The following RTN1 variants were observed in gnomAD, a reference collection of about 807,000 sequenced individuals.
The protein encoded by RTN1 is reticulon 1.
In RTN1, 25 loss-of-function variants were observed where a neutral mutation model predicts 65.5. The ratio of observed to expected loss-of-function variants is 0.38; its 90% CI spans 0.28 to 0.53. The LOEUF (loss-of-function observed/expected upper bound fraction) is 0.53, where lower values mean the gene tolerates loss of function less well. Among genes scored for constraint, RTN1 ranks in the 20% least tolerant of loss-of-function variants. The probability of loss-of-function intolerance (pLI) is 0.79; values close to 1 mark genes in which losing one functional copy is unlikely to be tolerated. For synonymous variants in RTN1, 471 were observed against 447.6 expected (o/e 1.05, Z -0.66); for missense variants, 983 against 1,025.4 (o/e 0.96, Z 0.57).
At position 59,844,284 on chromosome 14, in the gene RTN1, G is replaced by A. The variant is rs117415107; in HGVS notation, c.241+26106C>T. Among the ~76,000 whole-genome samples the A allele has an allele frequency of 3.0e-3, 460 of 152,308 alleles. 11 individuals carry two copies. In the East Asian group the frequency reaches 0.051, roughly 17 times the overall value. ...TAAAGAGGTGATTGCCCTTATGAACGAATGAATGTCCTTATCACAGGTGTG... is the reference window on the plus strand; with the variant it reads ...TAAAGAGGTGATTGCCCTTATGAACAAATGAATGTCCTTATCACAGGTGTG... On this transcript the variant is annotated intron_variant, in intron 1 of 8. Transcript: ENST00000267484.
At position 59,868,601 on chromosome 14, in the gene RTN1, C is replaced by T. The variant is rs1405195423; in HGVS notation, c.241+1789G>A. 6.6e-6 allele frequency among the ~76,000 whole-genome samples: 1 copy of T among 152,170 alleles called. No individual in the cohort carries two copies. The highest frequency in any genetic ancestry group is 1.5e-5 in the Non-Finnish European group (1 of 68,018). On this transcript the variant is annotated intron_variant, in intron 1 of 8. Transcript: ENST00000267484. The surrounding 1 kb of genome is among the most constrained non-coding windows in gnomAD (Gnocchi z 4.0). ...TGAGATGATGGATTTGTTAGCTAAT[C>T]ATTTGACAATGCAGACATATGTCAA... is the stretch of plus-strand genomic sequence containing the variant.
At chr14:59,833,121 C>T (rs1182069289) in intron 1 of RTN1, among the ~76,000 whole-genome samples, 1 of 152,172 alleles carries the variant, frequency 6.6e-6, no homozygotes. Flanking sequence ...AATGATTACA[C>T]ATCAGGAAGC....
chr14:59,663,909 C>T lies in RTN1; in HGVS notation c.1766-56417G>A, dbSNP rs140794577. ...TCAGCCATTGTGGAAGATAGTGTGGCGATTCCTCAAGGATCTAGAACCAGA... is the reference window on the plus strand; with the variant it reads ...TCAGCCATTGTGGAAGATAGTGTGGTGATTCCTCAAGGATCTAGAACCAGA... On this transcript the variant is annotated intron_variant, in intron 3 of 8. Transcript: ENST00000267484. Among the ~76,000 whole-genome samples, 463 of 152,140 alleles carry T rather than the reference C, an allele frequency of 3.0e-3. 1 individual carries two copies. Among genetic ancestry groups the T allele is most frequent in the African/African-American group, 0.011 (441 of 41,506 alleles).
rs141747824 is a variant in RTN1, at chr14:59,666,843, G to T, written c.1766-59351C>A. 3.4e-3 allele frequency among the ~76,000 whole-genome samples: 512 copies of T among 150,574 alleles called. 2 individuals are homozygous for T. Among genetic ancestry groups the T allele is most frequent in the African/African-American group, 0.012 (481 of 41,030 alleles). ...CACAAATAAACTAGAAAATCTAGAA[G>T]AAATGGATAAATTCCTGCACACATA... On this transcript the variant is annotated intron_variant, in intron 3 of 8. Transcript: ENST00000267484.
At chr14:59,605,600 C>T (rs1404500789) in intron 4 of RTN1, 94 bp from the exon 5 acceptor site, 34 of 1,364,950 alleles carry the variant, frequency 2.5e-5, no homozygotes, top group Non-Finnish European at 3.2e-5. Flanking sequence ...CCTACTCTCA[C>T]TCTGAGGGTG....
intron 1 of RTN1, among the ~76,000 whole-genome samples, chr14:59,795,485 G>C (rs1886422960): frequency 6.6e-6 from 1 of 152,116 alleles, no homozygotes; most frequent in Non-Finnish European, 1.5e-5. Flanking sequence ...AGGATCACTT[G>C]AGCCCAGGAG....
intron 2 of RTN1, among the ~76,000 whole-genome samples, chr14:59,740,248 G>A (rs987175997): frequency 2.6e-5 from 4 of 152,188 alleles, no homozygotes; most frequent in Non-Finnish European, 4.4e-5. Context: ...TCATATGAGA[G>A]CCAGCTCAAA....
At chr14:59,642,622 T>C (rs1370215754) in intron 3 of RTN1, among the ~76,000 whole-genome samples, 1 of 152,214 alleles carries the variant, frequency 6.6e-6, no homozygotes, top group Non-Finnish European at 1.5e-5. Context: ...TAAGTCATAA[T>C]TTCAGAAATT....
chr14:59,791,657 A>G (rs1886350769), intron 1 of RTN1, among the ~76,000 whole-genome samples: 1 of 152,140 alleles, frequency 6.6e-6, no homozygotes, highest in Admixed American at 6.5e-5. Flanking sequence ...CCTACTAGGG[A>G]CTAACAACTG....
chr14:59,737,035 A>G (rs1013920336), intron 2 of RTN1, among the ~76,000 whole-genome samples: 1 of 152,218 alleles, frequency 6.6e-6, no homozygotes, highest in African/African-American at 2.4e-5. Flanking sequence ...TGAGCCATAT[A>G]TGACAAACCC....
chr14:59,676,162 A>G (rs1883622852), intron 3 of RTN1, among the ~76,000 whole-genome samples: 1 of 152,216 alleles, frequency 6.6e-6, no homozygotes, highest in Non-Finnish European at 1.5e-5. Flanking sequence ...AACCTTATGC[A>G]TCAAAGTTAA....
intron 3 of RTN1, among the ~76,000 whole-genome samples, chr14:59,718,960 T>A (rs1884594121): frequency 6.6e-6 from 1 of 152,166 alleles, no homozygotes; most frequent in Admixed American, 6.5e-5. Flanking sequence ...TCATCTCCAA[T>A]GCTACCACCT....
intron 5 of RTN1, chr14:59,604,229 A>G (rs1279257713): frequency 1.7e-5 from 3 of 176,572 alleles, no homozygotes; most frequent in African/African-American, 7.0e-5. Flanking sequence ...ACATTTTTAA[A>G]TGTTCAAATA....
chr14:59,855,866 T>C (rs938637414), intron 1 of RTN1, among the ~76,000 whole-genome samples: 3 of 152,182 alleles, frequency 2.0e-5, no homozygotes, highest in Admixed American at 2.0e-4. Flanking sequence ...GCTCCCTCCT[T>C]GGCTTTTGTG....
chr14:59,648,591 G>T (rs748754086), intron 3 of RTN1, among the ~76,000 whole-genome samples: 1 of 152,154 alleles, frequency 6.6e-6, no homozygotes, highest in African/African-American at 2.4e-5. Flanking sequence ...AATCCACCAT[G>T]ATCAAGAAGG....
rs1887412478 is a variant in RTN1, at chr14:59,846,454, C to T, written c.241+23936G>A. The stretch of plus-strand genomic sequence containing the variant: ...CACGTGTGTACCACACACATCCACA[C>T]TCATCTGTCACTTTGTTCCTGAGGT... On this transcript the variant is annotated intron_variant, in intron 1 of 8. Transcript: ENST00000267484. This position sits in a 1 kb window ranked among gnomAD's most constrained non-coding sequence, Gnocchi z 4.8. Among the ~76,000 whole-genome samples, 1 of 152,076 alleles carries T rather than the reference C, an allele frequency of 6.6e-6. No homozygotes were observed. Among genetic ancestry groups the T allele is most frequent in the Admixed American group, 6.6e-5 (1 of 15,258 alleles).
At chr14:59,769,783 G>A (rs1286988338) in intron 1 of RTN1, among the ~76,000 whole-genome samples, 31 of 152,132 alleles carry the variant, frequency 2.0e-4, no homozygotes, top group Admixed American at 2.0e-3. Flanking sequence ...GTACATTGTC[G>A]ACAGCTGTGA....
At chr14:59,629,547 C>T (rs1231233214) in intron 3 of RTN1, among the ~76,000 whole-genome samples, 1 of 152,196 alleles carries the variant, frequency 6.6e-6, no homozygotes, top group South Asian at 2.1e-4. Flanking sequence ...TGAAAAGACA[C>T]TACCTCCGAC....
chr14:59,630,717 G>A (rs981843639), intron 3 of RTN1: 5 of 1,126,314 alleles, frequency 4.4e-6, no homozygotes, highest in Non-Finnish European at 5.4e-6. Context: ...CGCGGCCCCG[G>A]AGCCGCCTGC....
Sources: gnomAD v4.1 joint callset for allele counts (sites outside exome capture counted in the v4.1 genomes callset) on GRCh38, gnomAD v4.1.1 for gene constraint, Gnocchi (gnomAD v3.1) non-coding constraint, MANE v1.5 for transcripts, NCBI Gene and HGNC (gene_info 2026-07-23, HGNC 2026-07-21) for gene names.